The following DHRS12 variants were observed in gnomAD, a reference collection of about 807,000 sequenced individuals.
The protein encoded by DHRS12 is dehydrogenase/reductase SDR family member 12.
Under a neutral mutation model 32.1 loss-of-function variants are expected in DHRS12, and 29 were observed. That is an observed-to-expected ratio of 0.90 (90% confidence interval 0.67 to 1.23). DHRS12 has a LOEUF of 1.23. DHRS12 is among the 50% of genes most tolerant of loss of function. DHRS12 has a pLI of 0.00. For synonymous variants in DHRS12, 150 were observed against 135.9 expected, an observed-to-expected ratio of 1.10 and a Z score of -0.72; for missense variants, 330 against 337.2, an observed-to-expected ratio of 0.98 and a Z score of 0.17.
chr13:51,792,949 G>A (rs1439721974), intron 2 of DHRS12, among the ~76,000 whole-genome samples: 1 of 149,996 alleles, frequency 6.7e-6, no homozygotes, highest in East Asian at 1.9e-4. Context: ...TTGGTCAAAA[G>A]TTTGCTCTTC....
the DHRS12 span, chr13:51,756,765 C>T: frequency 1.9e-6 from 1 of 533,466 alleles, no homozygotes; most frequent in East Asian, 1.5e-4. Context: ...TTGAGAATTA[C>T]CCAGGAGTAT....
In DHRS12 at chr13:51,791,225, A is replaced by G; in HGVS notation, c.159T>C (p.Asp53=). The change falls in exon 3 of 9, where the codon GAT becomes GAC. Residue 53 remains aspartate, a synonymous_variant. Coordinates refer to ENST00000444610, the MANE Select transcript of DHRS12 (RefSeq NM_001377533.1). ...CAACAAATTTCCAGATTTGCTTGGG[A>G]TCAGACAAGTCCACAATGTGCAGAA... The part of the protein sequence containing the change: ...NIFLHIVDLS[D]PKQIWKFVEN... The G allele has an allele frequency of 6.3e-7, 1 of 1,575,998 alleles. No individual in the cohort carries two copies. Among genetic ancestry groups the G allele is most frequent in the Non-Finnish European group, 8.6e-7 (1 of 1,158,932 alleles).
chr13:51,780,275 A>G (rs1180506654), intron 4 of DHRS12, among the ~76,000 whole-genome samples: 1 of 152,212 alleles, frequency 6.6e-6, no homozygotes, highest in African/African-American at 2.4e-5. Context: ...TTAGTCATTC[A>G]TATCTTCGTG....
chr13:51,788,784 C>T (rs1483245306), intron 4 of DHRS12, among the ~76,000 whole-genome samples: 1 of 151,874 alleles, frequency 6.6e-6, no homozygotes, highest in African/African-American at 2.4e-5. Context: ...TGCTTGAGCC[C>T]AGGAGTTTGA....
the DHRS12 span, chr13:51,756,594 G>A: frequency 1.4e-6 from 2 of 1,388,278 alleles, no homozygotes; most frequent in Non-Finnish European, 1.9e-6. Flanking sequence ...ACGGCAAGCA[G>A]TAAAAGCTCT....
intron 8 of DHRS12, 111 bp downstream of exon 8, chr13:51,769,045 C>G (rs1412365085): frequency 2.0e-6 from 3 of 1,502,398 alleles, no homozygotes; most frequent in East Asian, 2.6e-5. Flanking sequence ...CCAGGCACCC[C>G]CCAGGGGACA....
chr13:51,765,045 T>G (rs1214094316), downstream of DHRS12: 1 of 150,398 alleles, frequency 6.6e-6, no homozygotes, highest in Non-Finnish European at 1.5e-5. Flanking sequence ...ATGTGGGAGG[T>G]CCTCCTTACA....
chr13:51,756,780 G>A, the DHRS12 span: 1 of 425,446 alleles, frequency 2.4e-6, no homozygotes, highest in Non-Finnish European at 3.1e-6. Flanking sequence ...GAGTATAAGG[G>A]CTCAGGATTC....
At chr13:51,802,115 G>T (rs1280676414) in intron 1 of DHRS12, among the ~76,000 whole-genome samples, 4 of 151,870 alleles carry the variant, frequency 2.6e-5, no homozygotes, top group Admixed American at 2.0e-4. Flanking sequence ...CCTTATTGGG[G>T]AAGCATTTTA....
At chr13:51,762,006 C>A in the DHRS12 span, 4 of 152,206 alleles carry the variant, frequency 2.6e-5, no homozygotes, top group African/African-American at 9.7e-5. Context: ...AGAACTTTAA[C>A]AAGGGAATTA....
At chr13:51,785,161 G>C (rs1309115466) in intron 4 of DHRS12, among the ~76,000 whole-genome samples, 1 of 152,186 alleles carries the variant, frequency 6.6e-6, no homozygotes, top group African/African-American at 2.4e-5. Flanking sequence ...CCAAGAGATG[G>C]AGGTTGCAGT....
At chr13:51,779,749 A>G (rs563996674) in intron 4 of DHRS12, among the ~76,000 whole-genome samples, 58 of 152,298 alleles carry the variant, frequency 3.8e-4, no homozygotes, top group African/African-American at 1.3e-3. Flanking sequence ...CTTGTAGCCC[A>G]CTAATAAATT....
At chr13:51,776,954 G>T in intron 5 of DHRS12, 106 bp downstream of exon 5, 1 of 1,285,454 alleles carries the variant, frequency 7.8e-7, no homozygotes, top group Non-Finnish European at 1.1e-6. Flanking sequence ...TGTGGATGTG[G>T]ACAGAATGGC....
chr13:51,758,688 AATAG>A, the DHRS12 span, among the ~76,000 whole-genome samples: 8 of 152,208 alleles, frequency 5.3e-5, no homozygotes, highest in South Asian at 4.1e-4. Context: ...GCCTGCAAGG[AATAG>A]ATAGTCTACT....
At position 51,804,158 on chromosome 13, in the gene DHRS12, C is replaced by A; in HGVS notation, c.-113G>T. 7.0e-7 allele frequency: 1 copy of A among 1,423,080 alleles called. No individual in the cohort carries two copies. Among genetic ancestry groups the A allele is most frequent in the Admixed American group, 3.0e-5 (1 of 33,022 alleles). 88.2% of individuals were successfully genotyped at this position (1,423,080 alleles called of 1,614,324 possible). A position where few individuals can be genotyped will look rare whatever the true frequency, so the allele number is the denominator to read the frequency against. ...CCCACCGCGCTCCCGGCGCGGCCTCCGCCCTGGTCCCGCCCCCCGGGAGTC... is the reference window on the plus strand; with the variant it reads ...CCCACCGCGCTCCCGGCGCGGCCTCAGCCCTGGTCCCGCCCCCCGGGAGTC... On this transcript the variant is annotated 5_prime_UTR_variant, in exon 1 of 9. Coordinates refer to ENST00000444610, the MANE Select transcript of DHRS12 (RefSeq NM_001377533.1).
intron 4 of DHRS12, among the ~76,000 whole-genome samples, chr13:51,781,730 G>A (rs1202407052): frequency 2.6e-5 from 4 of 152,196 alleles, no homozygotes; most frequent in South Asian, 2.1e-4. Flanking sequence ...AGCTGCAACC[G>A]AGTGAGCATG....
chr13:51,766,309 C>CT (rs1310688380), downstream of DHRS12: 3 of 152,386 alleles, frequency 2.0e-5, no homozygotes, highest in African/African-American at 7.2e-5. Context: ...ACATTAGTGC[C>CT]TGCCCACCGC....
At chr13:51,765,812 G>C (rs1271677984), downstream of DHRS12, 1 of 152,062 alleles carries the variant, frequency 6.6e-6, no homozygotes, top group Non-Finnish European at 1.5e-5. Context: ...AGATGGTAAG[G>C]GTGGAAATTA....
the DHRS12 span, among the ~76,000 whole-genome samples, chr13:51,756,849 G>T: frequency 6.6e-6 from 1 of 152,186 alleles, no homozygotes; most frequent in Non-Finnish European, 1.5e-5. Flanking sequence ...GGTCCAGAAG[G>T]TTTCATTTTC....
Sources: gnomAD v4.1 joint callset for allele counts (sites outside exome capture counted in the v4.1 genomes callset) on GRCh38, gnomAD v4.1.1 for gene constraint, MANE v1.5 for transcripts, NCBI Gene and HGNC (gene_info 2026-07-23, HGNC 2026-07-21) for gene names.